PDE11A: variants seen among roughly 807,000 people sequenced by gnomAD.
PDE11A encodes the protein dual 3',5'-cyclic-AMP and -GMP phosphodiesterase 11A.
In PDE11A, 100 loss-of-function variants were observed where a neutral mutation model predicts 100.5. The observed-to-expected ratio is 1.00, with a 90% CI of 0.85 to 1.18. PDE11A has a LOEUF of 1.18. PDE11A is among the 50% of genes most tolerant of loss of function. PDE11A has a pLI of 0.00. For synonymous variants in PDE11A, 381 were observed against 420.8 expected, an observed-to-expected ratio of 0.91 and a Z score of 1.16; for missense variants, 1,141 against 1,152.6, an observed-to-expected ratio of 0.99 and a Z score of 0.15.
intron 9 of PDE11A, among the ~76,000 whole-genome samples, chr2:177,795,019 T>C (rs1246916570): frequency 6.6e-6 from 1 of 152,132 alleles, no homozygotes; most frequent in Non-Finnish European, 1.5e-5. Flanking sequence ...ACTCCTGACC[T>C]CATGATCCAC....
At chr2:177,770,487 G>T (rs2082296723) in intron 9 of PDE11A, among the ~76,000 whole-genome samples, 2 of 152,244 alleles carry the variant, frequency 1.3e-5, no homozygotes, top group African/African-American at 2.4e-5. Context: ...GTCCTATAGG[G>T]TGGCCTTTAT....
At chr2:177,842,384 G>A (rs1574202545) in intron 5 of PDE11A, among the ~76,000 whole-genome samples, 1 of 152,290 alleles carries the variant, frequency 6.6e-6, no homozygotes. Context: ...GGAGTTAGAA[G>A]GAAACAGCAG....
chr2:178,011,070 TGCACAA>T, intron 2 of PDE11A, among the ~76,000 whole-genome samples: 1 of 151,896 alleles, frequency 6.6e-6, no homozygotes, highest in East Asian at 1.9e-4. Context: ...CAAAGGGGAG[TGCACAA>T]GTTTTACGGT....
chr2:178,049,371 A>C (rs6709256), intron 1 of PDE11A, among the ~76,000 whole-genome samples: 2 of 152,038 alleles, frequency 1.3e-5, no homozygotes, highest in East Asian at 1.9e-4. Context: ...TTGGGGGGGA[A>C]GTTCCAAGGT....
intron 9 of PDE11A, among the ~76,000 whole-genome samples, chr2:177,770,479 C>T (rs2082296630): frequency 6.6e-6 from 1 of 152,220 alleles, no homozygotes; most frequent in Non-Finnish European, 1.5e-5. Flanking sequence ...CTGGGGTGGT[C>T]CTATAGGGTG....
intron 6 of PDE11A, among the ~76,000 whole-genome samples, chr2:177,827,483 C>CAGAA (rs2083244051): frequency 1.3e-5 from 2 of 152,088 alleles, no homozygotes; most frequent in Non-Finnish European, 2.9e-5. Context: ...ATGTTGAGTC[C>CAGAA]AAGTGTTCAT....
chr2:177,706,861 A>G (rs760924739), intron 13 of PDE11A, among the ~76,000 whole-genome samples: 1 of 151,380 alleles, frequency 6.6e-6, no homozygotes, highest in Non-Finnish European at 1.5e-5. Flanking sequence ...TCAGTCTTAT[A>G]CAAGCAACCT....
chr2:178,102,942 T>C (rs1342585870), intron 2 of PDE11A, among the ~76,000 whole-genome samples: 2 of 152,110 alleles, frequency 1.3e-5, no homozygotes, highest in Non-Finnish European at 2.9e-5. Context: ...GGTGTCATTA[T>C]GAGAAAATGG....
chr2:177,868,098 G>A (rs916205969), intron 5 of PDE11A, among the ~76,000 whole-genome samples: 14 of 152,104 alleles, frequency 9.2e-5, no homozygotes, highest in African/African-American at 3.1e-4. Flanking sequence ...GGGGTAATCT[G>A]TTTTGCAAAA....
Position 177,628,370 on chromosome 2 carries a change from C to T in PDE11A, c.*1037G>A, listed in dbSNP as rs2079867531. On this transcript the variant is annotated 3_prime_UTR_variant, in exon 20 of 20. Coordinates refer to ENST00000286063, the MANE Select transcript of PDE11A (RefSeq NM_016953.4). ...ATCTACTTAATACAGTTTATTCTTA[C>T]CTATTGTAAACCTGGCTTCCTATAG... 6.6e-6 allele frequency: 1 copy of T among 152,632 alleles called. No homozygotes were observed. The highest frequency in any genetic ancestry group is 1.5e-5 in the Non-Finnish European group (1 of 68,038). The allele number at this position is 152,632 out of a possible 1,614,324, so 9.5% of individuals were successfully genotyped here.
chr2:177,769,362 G>T lies in PDE11A; in HGVS notation c.1749C>A (p.Tyr583Ter). The T allele has an allele frequency of 1.3e-6, 2 of 1,584,544 alleles. No individual in the cohort carries two copies. The highest frequency in any genetic ancestry group is 1.3e-5 in the African/African-American group (1 of 74,326). The change falls in exon 10 of 20, where the codon TAC becomes TAA. Residue 583 changes from tyrosine to a stop codon, truncating the protein, a stop_gained. Coordinates refer to ENST00000286063, the MANE Select transcript of PDE11A (RefSeq NM_016953.4). LOFTEE classifies it high-confidence loss of function. ...CTTCAGCTTTTGAACATGTTGCATGGTATGATAGCACCTGATTCAGAAGAA... is the reference window on the plus strand; with the variant it reads ...CTTCAGCTTTTGAACATGTTGCATGTTATGATAGCACCTGATTCAGAAGAA... ...KQSVALDVLS[Y>*]HATCSKAEVD...
At chr2:178,018,236 C>T (rs929123489) in intron 1 of PDE11A, 28 of 410,428 alleles carry the variant, frequency 6.8e-5, no homozygotes, top group Non-Finnish European at 1.2e-4. Flanking sequence ...CCAGCTGCTG[C>T]TTTGAATCCT....
intron 5 of PDE11A, among the ~76,000 whole-genome samples, chr2:177,861,819 G>T (rs2105670745): frequency 1.3e-5 from 2 of 151,952 alleles, no homozygotes; most frequent in East Asian, 3.9e-4. Context: ...AAATTGGGAA[G>T]GAATAGTCTT....
chr2:177,785,731 T>C (rs888921121), intron 9 of PDE11A, among the ~76,000 whole-genome samples: 32 of 152,300 alleles, frequency 2.1e-4, no homozygotes, highest in African/African-American at 6.5e-4. Flanking sequence ...ACCAGGAGAT[T>C]ATATCCCACA....
chr2:178,050,103 A>G, intron 1 of PDE11A, among the ~76,000 whole-genome samples: 1 of 152,148 alleles, frequency 6.6e-6, no homozygotes, highest in East Asian at 1.9e-4. Flanking sequence ...GCCTCCCAGT[A>G]GGGGCAGACT....
At chr2:177,818,379 G>T (rs184067769) in intron 7 of PDE11A, among the ~76,000 whole-genome samples, 1 of 151,538 alleles carries the variant, frequency 6.6e-6, no homozygotes, top group Non-Finnish European at 1.5e-5. Context: ...CTGTGATTAA[G>T]AACATAAGCT....
chr2:177,840,258 T>G lies in PDE11A; in HGVS notation c.1493A>C (p.Asp498Ala). The change falls in exon 6 of 20, where the codon GAT becomes GCT. Residue 498 changes from aspartate (D) to alanine (A), a missense_variant. Coordinates refer to ENST00000286063, the MANE Select transcript of PDE11A (RefSeq NM_016953.4). ...ISDAYQDPRFDAEADQISGFH... is the reference protein window; with the variant it reads ...ISDAYQDPRFAAEADQISGFH... Reference sequence around the variant, plus strand: ...CAGAGGGGCTCCTCTTACCTCTGCATCAAAGCGCGGATCCTGGTAGGCATC... The same window carrying G: ...CAGAGGGGCTCCTCTTACCTCTGCAGCAAAGCGCGGATCCTGGTAGGCATC... 1 of 1,614,144 alleles carries G rather than the reference T, an allele frequency of 6.2e-7. No homozygotes were observed. The highest frequency in any genetic ancestry group is 1.7e-5 in the Admixed American group (1 of 60,026).
chr2:177,716,021 A>G (rs2105432180), intron 12 of PDE11A, among the ~76,000 whole-genome samples: 1 of 152,288 alleles, frequency 6.6e-6, no homozygotes, highest in South Asian at 2.1e-4. Flanking sequence ...TGGACTTTCC[A>G]ATCTGTTGCC....
chr2:177,979,079 A>T (rs1190368932), intron 2 of PDE11A, among the ~76,000 whole-genome samples: 1 of 76,474 alleles, frequency 1.3e-5, no homozygotes, highest in Non-Finnish European at 2.8e-5. Flanking sequence ...GAGTATAATA[A>T]AAAAAAAAAA....
Sources: allele counts gnomAD v4.1 joint callset (sites outside exome capture counted in the v4.1 genomes callset), GRCh38; gene constraint gnomAD v4.1.1; transcripts MANE v1.5; gene names NCBI Gene and HGNC (gene_info 2026-07-23, HGNC 2026-07-21).